The following SLC22A9 variants were observed in gnomAD, a reference collection of about 807,000 sequenced individuals.
The protein encoded by SLC22A9 is solute carrier family 22 member 9, also known as organic anion transporter 7.
A neutral mutation model predicts 50.1 loss-of-function variants in SLC22A9; 64 were observed. The ratio of observed to expected loss-of-function variants is 1.28; its 90% CI spans 1.04 to 1.57. The LOEUF is 1.57. Ranked by LOEUF, SLC22A9 falls within the 40% of genes most tolerant of loss-of-function variation. The pLI is 0.00. For synonymous variants in SLC22A9, 261 were observed against 242.5 expected (o/e 1.08, Z -0.71); for missense variants, 757 against 676.1 (o/e 1.12, Z -1.33).
chr11:63,379,036 CA>C (rs541888027), intron 5 of SLC22A9, among the ~76,000 whole-genome samples: 2 of 149,368 alleles, frequency 1.3e-5, no homozygotes, highest in South Asian at 2.1e-4. Flanking sequence ...TCATATGGAA[CA>C]AAAAAAAAGA....
Position 63,406,492 on chromosome 11 carries a change from C to G in SLC22A9, c.1074-5C>G. The G allele has an allele frequency of 6.2e-7, 1 of 1,612,364 alleles. No homozygotes were observed. The highest frequency in any genetic ancestry group is 2.2e-5 in the East Asian group (1 of 44,862). ...ATATGTTTCTTTCCTTTTTAATCAT[C>G]ACAGATTTGCAAACTTTATGGCCTA... On this transcript the variant is annotated splice_region_variant and splice_polypyrimidine_tract_variant and intron_variant, in intron 6 of 9. Coordinates refer to ENST00000279178, the MANE Select transcript of SLC22A9 (RefSeq NM_080866.3).
intron 5 of SLC22A9, among the ~76,000 whole-genome samples, chr11:63,376,936 T>A (rs1382391561): frequency 1.3e-5 from 2 of 151,946 alleles, no homozygotes; most frequent in Non-Finnish European, 2.9e-5. Context: ...AAACCAACAG[T>A]GATCAAAAAA....
intron 6 of SLC22A9, 79 bp from the exon 7 acceptor site, chr11:63,406,418 C>G: frequency 1.5e-6 from 2 of 1,306,888 alleles, no homozygotes; most frequent in Non-Finnish European, 1.1e-6. Context: ...CCCTAGCTGC[C>G]TGGGCCAATA....
chr11:63,396,057 C>T (rs1282573586), intron 6 of SLC22A9, among the ~76,000 whole-genome samples: 2 of 152,146 alleles, frequency 1.3e-5, no homozygotes, highest in East Asian at 3.8e-4. Flanking sequence ...CCATTGTGTC[C>T]CACTAACAGC....
intron 6 of SLC22A9, among the ~76,000 whole-genome samples, chr11:63,402,537 T>C (rs1303601582): frequency 6.6e-6 from 1 of 152,066 alleles, no homozygotes; most frequent in Admixed American, 6.6e-5. Context: ...TAGTTTGAAA[T>C]CAGGTAGTGT....
intron 6 of SLC22A9, among the ~76,000 whole-genome samples, chr11:63,402,286 T>C (rs1030532326): frequency 6.6e-6 from 1 of 152,118 alleles, no homozygotes; most frequent in African/African-American, 2.4e-5. Context: ...TTGAATTTTG[T>C]ATATGGTCAA....
chr11:63,370,961 A>C (rs1399614492), intron 1 of SLC22A9, among the ~76,000 whole-genome samples, 174 bp from the exon 2 acceptor site: 2 of 152,210 alleles, frequency 1.3e-5, no homozygotes, highest in Non-Finnish European at 2.9e-5. Context: ...TTCCAAGAGA[A>C]AGTTATGTTT....
chr11:63,371,178 A>C lies in SLC22A9; in HGVS notation c.446A>C (p.Lys149Thr), dbSNP rs2014352734. Reference protein sequence around the residue: ...CDSQSLTSVAKFVFMAGMMVG... With the variant: ...CDSQSLTSVATFVFMAGMMVG... Reference sequence around the variant, plus strand: ...TCTCAATCACTGACTTCAGTGGCTAAATTTGTATTCATGGCTGGAATGATG... The same window carrying C: ...TCTCAATCACTGACTTCAGTGGCTACATTTGTATTCATGGCTGGAATGATG... Residue 149 changes from lysine (K) to threonine (T), a missense_variant, in exon 2 of 10, where the codon AAA (lysine) becomes ACA (threonine). Lys to Thr is a moderately conservative substitution (Grantham distance 78). Transcript: ENST00000279178. 1.2e-6 allele frequency: 2 copies of C among 1,613,422 alleles called. No individual in the cohort carries two copies. The highest frequency in any genetic ancestry group is 2.7e-5 in the African/African-American group (2 of 74,978).
chr11:63,374,956 T>C lies in SLC22A9; in HGVS notation c.831-689T>C, dbSNP rs117113625. Among the ~76,000 whole-genome samples, 271 of 152,268 alleles carry C rather than the reference T, an allele frequency of 1.8e-3. 1 individual carries two copies. The highest frequency in any genetic ancestry group is 6.8e-3 in the Middle Eastern group (2 of 294). The stretch of plus-strand genomic sequence containing the variant: ...TTGCAAATACTTATAGTCGGTTAAC[T>C]ATACTCTCCCCTTAAAAAAGCCAGT... On this transcript the variant is annotated intron_variant, in intron 4 of 9. Transcript: ENST00000279178.
chr11:63,385,871 C>A (rs1389333074), intron 6 of SLC22A9, among the ~76,000 whole-genome samples: 1 of 152,092 alleles, frequency 6.6e-6, no homozygotes, highest in Non-Finnish European at 1.5e-5. Context: ...TGTCTTGTGC[C>A]AGTTTTCAAG....
intron 8 of SLC22A9, 87 bp from the exon 9 acceptor site, chr11:63,408,588 TC>T (rs1393998149): frequency 1.7e-6 from 2 of 1,175,800 alleles, no homozygotes; most frequent in East Asian, 4.8e-5. Context: ...GTCTAAATGT[TC>T]CCCCATAATT....
At chr11:63,409,448 A>G (rs944341606) in intron 9 of SLC22A9, among the ~76,000 whole-genome samples, 1 of 152,188 alleles carries the variant, frequency 6.6e-6, no homozygotes, top group African/African-American at 2.4e-5. Flanking sequence ...TAAAAAAAAA[A>G]AAAATCACAA....
chr11:63,370,783 G>A (rs896092031), intron 1 of SLC22A9, among the ~76,000 whole-genome samples: 2 of 152,162 alleles, frequency 1.3e-5, no homozygotes, highest in African/African-American at 4.8e-5. Flanking sequence ...CTGGGAAATT[G>A]AGAAAAGCCT....
intron 6 of SLC22A9, among the ~76,000 whole-genome samples, chr11:63,398,262 C>G (rs1383254690): frequency 6.6e-6 from 1 of 152,054 alleles, no homozygotes; most frequent in African/African-American, 2.4e-5. Flanking sequence ...AGACAAAGTC[C>G]TCTTCATTCT....
At chr11:63,391,233 T>C (rs1224229221) in intron 6 of SLC22A9, among the ~76,000 whole-genome samples, 2 of 152,130 alleles carry the variant, frequency 1.3e-5, no homozygotes, top group Non-Finnish European at 2.9e-5. Flanking sequence ...GTTTTGTGGC[T>C]TAACATATGG....
rs138875094 is a variant in SLC22A9 at position 63,406,561 on chromosome 11, T to G, written c.1138T>G (p.Phe380Val). The change falls in exon 7 of 10, where the codon TTC becomes GTC. Residue 380 changes from phenylalanine to valine, a missense_variant. Physicochemically the swap from Phe to Val is conservative, Grantham distance 50 (BLOSUM62 -1). Transcript: ENST00000279178. ...TGTCCAGCATCTGGGGAACAATGTT[T>G]TCCTGTTGCAGACTCTCTTTGGTGC... ...LHVQHLGNNV[F>V]LLQTLFGAVI... 23 of 1,613,722 alleles carry G rather than the reference T, an allele frequency of 1.4e-5. No homozygotes were observed. The Admixed American group carries it at 2.3e-4, about 16-fold the overall frequency.
intron 6 of SLC22A9, among the ~76,000 whole-genome samples, chr11:63,393,312 G>A (rs1380923847): frequency 1.3e-5 from 2 of 152,132 alleles, no homozygotes; most frequent in Non-Finnish European, 2.9e-5. Flanking sequence ...GTATAGAAGA[G>A]CAACTGATTA....
In SLC22A9 at chr11:63,408,787, AG is replaced by A; in HGVS notation, c.1510del (p.Val504SerfsTer47). The A allele has an allele frequency of 6.2e-7, 1 of 1,613,884 alleles. No individual in the cohort carries two copies. The highest frequency in any genetic ancestry group is 1.7e-4 in the Middle Eastern group (1 of 6,058). ...CACCCCTGCCCTGGATCATCTATGG[AG>A]TCTTCCCCTTCATCTCTGGCTTTGC... The part of the protein sequence containing the change: ...SPPLPWIIYG[V>X]FPFISGFAFL... On this transcript the variant is annotated frameshift_variant, in exon 9 of 10. Coordinates refer to ENST00000279178, the MANE Select transcript of SLC22A9 (RefSeq NM_080866.3). LOFTEE classifies it high-confidence loss of function.
Position 63,406,477 on chromosome 11 carries a change from T to C in SLC22A9, c.1074-20T>C, listed in dbSNP as rs1366997625. The C allele has an allele frequency of 6.2e-7, 1 of 1,602,138 alleles. No individual in the cohort carries two copies. The highest frequency in any genetic ancestry group is 2.2e-5 in the East Asian group (1 of 44,794). ...GCTCCACAGATTATAATATGTTTCTTTCCTTTTTAATCATCACAGATTTGC... is the reference window on the plus strand; with the variant it reads ...GCTCCACAGATTATAATATGTTTCTCTCCTTTTTAATCATCACAGATTTGC... On this transcript the variant is annotated intron_variant, in intron 6 of 9. Coordinates refer to ENST00000279178, the MANE Select transcript of SLC22A9 (RefSeq NM_080866.3).
Sources: gnomAD v4.1 joint callset for allele counts (sites outside exome capture counted in the v4.1 genomes callset) on GRCh38, gnomAD v4.1.1 for gene constraint, MANE v1.5 for transcripts, NCBI Gene and HGNC (gene_info 2026-07-23, HGNC 2026-07-21) for gene names.